The following AGMO variants were observed in gnomAD, a reference collection of about 807,000 sequenced individuals.
The protein encoded by AGMO is alkylglycerol monooxygenase.
Under a neutral mutation model 60.2 loss-of-function variants are expected in AGMO, and 75 were observed. The ratio of observed to expected loss-of-function variants is 1.25; its 90% confidence interval spans 1.03 to 1.51. The LOEUF is 1.51. Ranked by LOEUF, AGMO falls within the 40% of genes most tolerant of loss-of-function variation. AGMO has a pLI of 0.00. For missense variants in AGMO, 763 were observed against 525.5 expected (o/e 1.45, Z -4.42); for synonymous variants, 261 against 177.1 (o/e 1.47, Z -3.76).
intron 12 of AGMO, among the ~76,000 whole-genome samples, chr7:15,328,617 C>A (rs1781416058): frequency 6.6e-6 from 1 of 152,076 alleles, no homozygotes; most frequent in Admixed American, 6.6e-5. Context: ...CCGGAAGCAG[C>A]CATTAAGGGT....
chr7:15,395,491 TG>T (rs1467137998), intron 5 of AGMO, among the ~76,000 whole-genome samples: 1 of 152,140 alleles, frequency 6.6e-6, no homozygotes, highest in Admixed American at 6.5e-5. Flanking sequence ...ATATTTTCAT[TG>T]GGAGTTATAA....
chr7:15,375,563 A>G (rs1412375906), intron 10 of AGMO, among the ~76,000 whole-genome samples: 1 of 151,796 alleles, frequency 6.6e-6, no homozygotes, highest in Non-Finnish European at 1.5e-5. Flanking sequence ...CACCCAGCTA[A>G]TTTTTGTATT....
intron 12 of AGMO, among the ~76,000 whole-genome samples, chr7:15,348,420 T>C (rs889287965): frequency 6.6e-6 from 1 of 152,082 alleles, no homozygotes; most frequent in Non-Finnish European, 1.5e-5. Flanking sequence ...AGAAAAATGC[T>C]ATTACCAGAA....
intron 12 of AGMO, among the ~76,000 whole-genome samples, chr7:15,212,864 T>A (rs1781632596): frequency 6.6e-6 from 1 of 151,980 alleles, no homozygotes; most frequent in South Asian, 2.1e-4. Context: ...ACAAAGTTGT[T>A]GCAATGTTCA....
chr7:15,167,888 A>G, the AGMO span, among the ~76,000 whole-genome samples: 1 of 152,236 alleles, frequency 6.6e-6, no homozygotes, highest in African/African-American at 2.4e-5. Context: ...AATATGGGAT[A>G]TAGACATCAT....
chr7:15,386,506 C>G (rs1392620654), intron 9 of AGMO, among the ~76,000 whole-genome samples: 2 of 152,156 alleles, frequency 1.3e-5, no homozygotes, highest in African/African-American at 4.8e-5. Context: ...TCACCTATAT[C>G]AAGTTGGTGG....
chr7:15,344,942 A>T (rs969889817), intron 12 of AGMO, among the ~76,000 whole-genome samples: 1 of 152,210 alleles, frequency 6.6e-6, no homozygotes, highest in Non-Finnish European at 1.5e-5. Context: ...GCAAAGAATG[A>T]GAACAATTAT....
At chr7:15,276,955 T>G (rs1783814631) in intron 12 of AGMO, among the ~76,000 whole-genome samples, 1 of 152,000 alleles carries the variant, frequency 6.6e-6, no homozygotes, top group Non-Finnish European at 1.5e-5. Context: ...TCTGGTTTCT[T>G]TGTGTTGGTT....
At chr7:15,408,856 T>C (rs1355112861) in intron 5 of AGMO, among the ~76,000 whole-genome samples, 1 of 151,846 alleles carries the variant, frequency 6.6e-6, no homozygotes, top group African/African-American at 2.4e-5. Context: ...GACTAACACA[T>C]GGTCTGAGCT....
chr7:15,478,666 C>T (rs1009392548), intron 3 of AGMO, among the ~76,000 whole-genome samples: 5 of 152,116 alleles, frequency 3.3e-5, no homozygotes, highest in Admixed American at 6.5e-5. Context: ...GAACCTCAGA[C>T]GCTGGCCATG....
chr7:15,160,154 C>T, the AGMO span, among the ~76,000 whole-genome samples: 2 of 152,122 alleles, frequency 1.3e-5, no homozygotes, highest in African/African-American at 4.8e-5. Context: ...TTTCATAGCA[C>T]CCTTAAACTT....
intron 2 of AGMO, among the ~76,000 whole-genome samples, chr7:15,556,062 A>G (rs1326505160): frequency 6.6e-6 from 1 of 151,942 alleles, no homozygotes; most frequent in African/African-American, 2.4e-5. Context: ...CCAAAATTAT[A>G]TACATTCATT....
At chr7:15,377,180 G>C (rs763897942) in intron 10 of AGMO, among the ~76,000 whole-genome samples, 63 of 152,008 alleles carry the variant, frequency 4.1e-4, no homozygotes, top group Admixed American at 2.6e-4. Context: ...AGGCACTATA[G>C]AATTTTGCAA....
At chr7:15,416,014 CTTTTCTTT>C (rs1169088265) in intron 5 of AGMO, among the ~76,000 whole-genome samples, 3 of 147,114 alleles carry the variant, frequency 2.0e-5, no homozygotes, top group African/African-American at 7.4e-5. Context: ...GTTTGTTTTT[CTTTTCTTT>C]TTTTCTTTTT....
rs1008888880 is a variant in AGMO, at chr7:15,335,971, G to T, written c.1263+29543C>A. 5.3e-5 allele frequency among the ~76,000 whole-genome samples: 8 copies of T among 152,192 alleles called. No homozygotes were observed. In the South Asian group the frequency reaches 1.7e-3, roughly 32 times the overall value. On this transcript the variant is annotated intron_variant, in intron 12 of 12. Coordinates refer to ENST00000342526, the MANE Select transcript of AGMO (RefSeq NM_001004320.2). ...ACTTTGTAATATATCTCCATCATGA[G>T]AAACACATCATAGTAAGTGGAAGAT...
At chr7:15,183,759 G>A in the AGMO span, among the ~76,000 whole-genome samples, 1 of 152,102 alleles carries the variant, frequency 6.6e-6, no homozygotes, top group African/African-American at 2.4e-5. Context: ...CACCTTTTAA[G>A]GTCAAACTGC....
At chr7:15,485,695 G>A (rs1040153129) in intron 3 of AGMO, among the ~76,000 whole-genome samples, 1 of 152,170 alleles carries the variant, frequency 6.6e-6, no homozygotes, top group Non-Finnish European at 1.5e-5. Flanking sequence ...CGTAGATGAC[G>A]AATTACAGGC....
chr7:15,403,034 G>A (rs1454661756), intron 5 of AGMO, among the ~76,000 whole-genome samples: 1 of 151,758 alleles, frequency 6.6e-6, no homozygotes, highest in African/African-American at 2.4e-5. Context: ...TTACAAACAA[G>A]TTACCTTTTC....
intron 12 of AGMO, among the ~76,000 whole-genome samples, chr7:15,354,518 A>G (rs1240904751): frequency 1.5e-4 from 14 of 93,176 alleles, no homozygotes; most frequent in East Asian, 6.3e-4. Flanking sequence ...ATATATATAT[A>G]TATATATATA....
Sources: gnomAD v4.1 joint callset for allele counts (sites outside exome capture counted in the v4.1 genomes callset) on GRCh38, gnomAD v4.1.1 for gene constraint, MANE v1.5 for transcripts, NCBI Gene and HGNC (gene_info 2026-07-23, HGNC 2026-07-21) for gene names.